Variants in PXDNL observed in about 807,000 individuals in gnomAD.
PXDNL encodes probable oxidoreductase PXDNL.
In PXDNL, 145 loss-of-function variants were observed where a neutral mutation model predicts 150.8. The observed-to-expected ratio is 0.96, with a 90% CI of 0.84 to 1.10. The LOEUF (loss-of-function observed/expected upper bound fraction) is 1.10, where lower values mean the gene tolerates loss of function less well. PXDNL is among the 50% of genes least tolerant of loss of function. The probability of loss-of-function intolerance (pLI) is 0.00; values close to 1 mark genes in which losing one functional copy is unlikely to be tolerated. For missense variants in PXDNL, 2,087 were observed against 1,873.9 expected (o/e 1.11, Z -2.10); for synonymous variants, 757 against 725.7 (o/e 1.04, Z -0.69).
intron 3 of PXDNL, among the ~76,000 whole-genome samples, chr8:51,575,986 T>A (rs1413864798): frequency 6.6e-6 from 1 of 151,294 alleles, no homozygotes; most frequent in East Asian, 1.9e-4. Flanking sequence ...AAATCTTAAA[T>A]GTATGCATCA....
intron 3 of PXDNL, among the ~76,000 whole-genome samples, chr8:51,576,804 C>A (rs893020219): frequency 6.6e-6 from 1 of 151,608 alleles, no homozygotes; most frequent in Admixed American, 6.6e-5. Context: ...AACACAAATA[C>A]CAATATGAGA....
intron 2 of PXDNL, among the ~76,000 whole-genome samples, chr8:51,646,737 A>G (rs976052762): frequency 1.3e-5 from 2 of 152,104 alleles, no homozygotes. Flanking sequence ...TGTCAGATCA[A>G]AGGAAGACAT....
In PXDNL at chr8:51,556,861, C is replaced by T. The variant is rs770963022; in HGVS notation, c.359G>A (p.Gly120Glu). ...IHALDKQTFKGLISLEHLYIH... is the reference protein window; with the variant it reads ...IHALDKQTFKELISLEHLYIH... The stretch of plus-strand genomic sequence containing the variant: ...TTACAGATGTTCCAAAGATATGAGT[C>T]CTTTAAATGTTTGCTTATCTAGTGC... Residue 120 changes from glycine to glutamate, a missense_variant, in exon 4 of 23, where the codon GGA becomes GAA. Transcript: ENST00000356297. 21 of 1,580,882 alleles carry T rather than the reference C, an allele frequency of 1.3e-5. No individual in the cohort carries two copies. Among genetic ancestry groups the T allele is most frequent in the Non-Finnish European group, 1.8e-5 (21 of 1,150,794 alleles).
At chr8:51,422,263 T>C (rs1034455519) in intron 14 of PXDNL, among the ~76,000 whole-genome samples, 3 of 152,154 alleles carry the variant, frequency 2.0e-5, no homozygotes, top group African/African-American at 7.2e-5. Flanking sequence ...ATAATAGATA[T>C]AAAGTGCACA....
At chr8:51,527,302 C>T (rs767809931) in intron 4 of PXDNL, among the ~76,000 whole-genome samples, 4 of 152,122 alleles carry the variant, frequency 2.6e-5, no homozygotes, top group South Asian at 2.1e-4. Context: ...CCCTACCTGC[C>T]GTGTTTTCAT....
chr8:51,516,355 C>T (rs1192095976), intron 4 of PXDNL, among the ~76,000 whole-genome samples: 1 of 152,164 alleles, frequency 6.6e-6, no homozygotes, highest in Non-Finnish European at 1.5e-5. Context: ...AGTTAATTTT[C>T]ACTTGGGCTG....
intron 1 of PXDNL, among the ~76,000 whole-genome samples, chr8:51,677,360 T>G (rs1218022467): frequency 3.3e-5 from 5 of 152,130 alleles, no homozygotes; most frequent in Non-Finnish European, 7.4e-5. Flanking sequence ...CAGAAAAAAA[T>G]GTATTCGTCT....
At chr8:51,411,592 A>C (rs1808652995) in intron 15 of PXDNL, among the ~76,000 whole-genome samples, 185 bp from the exon 16 acceptor site, 1 of 152,146 alleles carries the variant, frequency 6.6e-6, no homozygotes, top group Admixed American at 6.5e-5. Flanking sequence ...AACTTATTCC[A>C]AATGTTAGTC....
At chr8:51,719,869 C>A (rs115458290) in intron 1 of PXDNL, among the ~76,000 whole-genome samples, 1 of 151,884 alleles carries the variant, frequency 6.6e-6, no homozygotes, top group African/African-American at 2.4e-5. Flanking sequence ...GTAAGCGGTG[C>A]GCTTAGAAGA....
intron 17 of PXDNL, among the ~76,000 whole-genome samples, chr8:51,391,247 G>T (rs1807898485): frequency 6.6e-6 from 1 of 152,226 alleles, no homozygotes; most frequent in African/African-American, 2.4e-5. Context: ...AGTCCTTTGG[G>T]TATATACCCA....
intron 12 of PXDNL, among the ~76,000 whole-genome samples, chr8:51,429,300 C>T (rs1287335536): frequency 1.3e-5 from 2 of 152,156 alleles, no homozygotes; most frequent in East Asian, 3.9e-4. Context: ...AAACATGTGG[C>T]CGGGTGCAGT....
At chr8:51,425,639 G>C (rs1809076255) in intron 13 of PXDNL, among the ~76,000 whole-genome samples, 1 of 152,088 alleles carries the variant, frequency 6.6e-6, no homozygotes. Flanking sequence ...CGAGACCACA[G>C]TGAAACCCCG....
intron 2 of PXDNL, among the ~76,000 whole-genome samples, chr8:51,628,407 T>C (rs970491377): frequency 1.0e-4 from 12 of 120,198 alleles, no homozygotes; most frequent in Non-Finnish European, 1.6e-4. Context: ...TTCTTTTTTT[T>C]TTTTTTTTTT....
Position 51,534,209 on chromosome 8 carries a change from G to A in PXDNL, c.380+22631C>T, listed in dbSNP as rs1364811685. ...TGGGAGGTGAGGAGCGTCTCTGCCCGGCCGCCCCGTCTGAGAAGTAAGGAA... is the reference window on the plus strand; with the variant it reads ...TGGGAGGTGAGGAGCGTCTCTGCCCAGCCGCCCCGTCTGAGAAGTAAGGAA... On this transcript the variant is annotated intron_variant, in intron 4 of 22. Coordinates refer to ENST00000356297, the MANE Select transcript of PXDNL (RefSeq NM_144651.5). Among the ~76,000 whole-genome samples the A allele has an allele frequency of 1.1e-3, 145 of 137,884 alleles. 3 individuals are homozygous for A. Among genetic ancestry groups the A allele is most frequent in the African/African-American group, 4.7e-3 (141 of 30,290 alleles). The allele number at this position is 137,884 out of a possible 152,430, so 90.5% of individuals were successfully genotyped here. A position where few individuals can be genotyped will look rare whatever the true frequency, so the allele number is the denominator to read the frequency against.
At chr8:51,588,000 C>T (rs1294852413) in intron 3 of PXDNL, among the ~76,000 whole-genome samples, 1 of 151,976 alleles carries the variant, frequency 6.6e-6, no homozygotes, top group African/African-American at 2.4e-5. Flanking sequence ...AAATGAAATA[C>T]ACAGGGTACC....
Position 51,575,833 on chromosome 8 carries a change from T to A in PXDNL, c.308+16794A>T, listed in dbSNP as rs574314218. Among the ~76,000 whole-genome samples the A allele has an allele frequency of 3.1e-4, 47 of 151,544 alleles. 1 individual carries two copies. The highest frequency in any genetic ancestry group is 1.1e-3 in the African/African-American group (46 of 41,372). On this transcript the variant is annotated intron_variant, in intron 3 of 22. Transcript: ENST00000356297. ...AAGTAAAAGTATGAAAAAAGTTAGG[T>A]CATGCAAACATCAATCAAAAGAAAA...
At chr8:51,397,752 G>A (rs1415300305) in intron 17 of PXDNL, among the ~76,000 whole-genome samples, 1 of 152,006 alleles carries the variant, frequency 6.6e-6, no homozygotes, top group Non-Finnish European at 1.5e-5. Flanking sequence ...AGTAGGGAGA[G>A]GCCTTTTTTT....
intron 12 of PXDNL, among the ~76,000 whole-genome samples, chr8:51,438,284 C>T (rs896324467): frequency 1.7e-4 from 26 of 151,974 alleles, no homozygotes; most frequent in Admixed American, 2.0e-4. Context: ...AAAATACCAC[C>T]ATCATTCTTC....
chr8:51,418,539 A>G (rs994937918), intron 14 of PXDNL, among the ~76,000 whole-genome samples: 1 of 152,248 alleles, frequency 6.6e-6, no homozygotes, highest in Non-Finnish European at 1.5e-5. Flanking sequence ...AATGTCAAAT[A>G]ATTCAAATAG....
Sources: allele counts gnomAD v4.1 joint callset (sites outside exome capture counted in the v4.1 genomes callset), GRCh38; gene constraint gnomAD v4.1.1; transcripts MANE v1.5; gene names NCBI Gene and HGNC (gene_info 2026-07-23, HGNC 2026-07-21).